ZNF573: variants seen among roughly 807,000 people sequenced by gnomAD.
ZNF573 encodes the protein zinc finger protein 573.
Under a neutral mutation model 57.4 loss-of-function variants are expected in ZNF573, and 41 were observed. The observed-to-expected ratio is 0.71, with a 90% confidence interval of 0.56 to 0.93. The LOEUF is 0.93. Ranked by LOEUF, ZNF573 falls within the 40% of genes least tolerant of loss-of-function variation. The pLI is 0.00. For synonymous variants in ZNF573, 249 were observed against 261.0 expected (o/e 0.95, Z 0.44); for missense variants, 730 against 794.8 (o/e 0.92, Z 0.98).
At chr19:37,761,257 T>TGGG (rs2045550197) in intron 4 of ZNF573, among the ~76,000 whole-genome samples, 1 of 152,100 alleles carries the variant, frequency 6.6e-6, no homozygotes, top group Non-Finnish European at 1.5e-5. Context: ...AAATCTGTGG[T>TGGG]GGGGATCAGG....
chr19:37,764,752 C>T (rs944821116), intron 4 of ZNF573, among the ~76,000 whole-genome samples: 13 of 150,028 alleles, frequency 8.7e-5, no homozygotes, highest in Admixed American at 8.0e-4. Flanking sequence ...TACAGGTGCC[C>T]GCCACCACGC....
intron 1 of ZNF573, among the ~76,000 whole-genome samples, chr19:37,774,736 G>A (rs1209006890): frequency 1.3e-5 from 2 of 152,156 alleles, no homozygotes; most frequent in Non-Finnish European, 2.9e-5. Context: ...TTGAGGCACA[G>A]GCTATAGGAC....
chr19:37,777,605 A>G (rs2045721275), intron 1 of ZNF573, among the ~76,000 whole-genome samples: 2 of 152,078 alleles, frequency 1.3e-5, no homozygotes, highest in Admixed American at 1.3e-4. Context: ...TGAGGATGCA[A>G]AGACATAATA....
At chr19:37,763,939 T>C (rs553941056) in intron 4 of ZNF573, among the ~76,000 whole-genome samples, 2 of 151,948 alleles carry the variant, frequency 1.3e-5, no homozygotes, top group African/African-American at 4.8e-5. Flanking sequence ...ACCGCATGCC[T>C]GTAATCTCAG....
At position 37,777,149 on chromosome 19, in the gene ZNF573, G is replaced by C. The variant is rs1399094549; in HGVS notation, c.-23+2395C>G. Reference sequence around the variant, plus strand: ...TCCCACTAATGGGTATCTACCCAGAGGAAAAGAAGTCATTATATAAAATTA... The same window carrying C: ...TCCCACTAATGGGTATCTACCCAGACGAAAAGAAGTCATTATATAAAATTA... On this transcript the variant is annotated intron_variant, in intron 1 of 4. Coordinates refer to ENST00000536220, the MANE Select transcript of ZNF573 (RefSeq NM_001172690.2). Among the ~76,000 whole-genome samples, 3 of 152,160 alleles carry C rather than the reference G, an allele frequency of 2.0e-5. No individual in the cohort carries two copies. In the East Asian group the frequency reaches 5.8e-4, roughly 29 times the overall value.
intron 4 of ZNF573, among the ~76,000 whole-genome samples, chr19:37,767,479 C>T (rs1448662012): frequency 3.3e-5 from 5 of 152,060 alleles, no homozygotes; most frequent in Admixed American, 6.6e-5. Context: ...GTGATCTGCC[C>T]GCCTCGGCCT....
intron 1 of ZNF573, among the ~76,000 whole-genome samples, chr19:37,779,192 C>T (rs2045740352): frequency 6.6e-6 from 1 of 152,098 alleles, no homozygotes; most frequent in Non-Finnish European, 1.5e-5. Flanking sequence ...CCCCGTCACG[C>T]AAGCACAGCC....
chr19:37,765,960 A>C (rs1220589292), intron 4 of ZNF573, among the ~76,000 whole-genome samples: 1 of 151,954 alleles, frequency 6.6e-6, no homozygotes, highest in Non-Finnish European at 1.5e-5. Context: ...GAATGGCTTG[A>C]ACCTGGGAGG....
chr19:37,760,275 G>A (rs993326260), intron 4 of ZNF573, among the ~76,000 whole-genome samples: 41 of 152,222 alleles, frequency 2.7e-4, no homozygotes, highest in African/African-American at 9.6e-4. Context: ...CAGGGCTATG[G>A]CAAAGAAAAT....
intron 4 of ZNF573, among the ~76,000 whole-genome samples, chr19:37,750,298 G>C (rs895462850): frequency 6.6e-6 from 1 of 151,960 alleles, no homozygotes; most frequent in Non-Finnish European, 1.5e-5. Context: ...AGCCAGACTG[G>C]GTCACAAACT....
At chr19:37,746,269 A>C (rs183965008) in intron 4 of ZNF573, among the ~76,000 whole-genome samples, 1 of 152,304 alleles carries the variant, frequency 6.6e-6, no homozygotes. Flanking sequence ...TACAAACACT[A>C]CTCAAGTGAG....
At chr19:37,757,957 A>G (rs1470700105) in intron 4 of ZNF573, among the ~76,000 whole-genome samples, 1 of 150,610 alleles carries the variant, frequency 6.6e-6, no homozygotes, top group Non-Finnish European at 1.5e-5. Context: ...AAAACCAAAC[A>G]CTGCATATTC....
chr19:37,760,778 C>T lies in ZNF573; in HGVS notation c.295+9227G>A, dbSNP rs533348155. Among the ~76,000 whole-genome samples the T allele has an allele frequency of 5.3e-5, 8 of 151,258 alleles. No individual in the cohort carries two copies. The East Asian group carries it at 1.2e-3, about 22-fold the overall frequency. ...CGGAGGTTGTAGTGAGCTGAGATCG[C>T]GCCATTGCACTCCAGCCTGGGCAAC... is the stretch of plus-strand genomic sequence containing the variant. On this transcript the variant is annotated intron_variant, in intron 4 of 4. Transcript: ENST00000536220.
chr19:37,758,088 A>G (rs569289619), intron 4 of ZNF573, among the ~76,000 whole-genome samples: 1 of 150,670 alleles, frequency 6.6e-6, no homozygotes, highest in South Asian at 2.1e-4. Context: ...ATTAGGAGAT[A>G]TATCTAATGT....
At chr19:37,758,203 ATATATATATATAT>A (rs1453989494) in intron 4 of ZNF573, among the ~76,000 whole-genome samples, 1,843 of 52,002 alleles carry the variant, frequency 0.035, 326 homozygotes, top group Middle Eastern at 0.065. Context: ...GTATAATAAA[ATATATATATATAT>A]ATATATATAT....
intron 4 of ZNF573, among the ~76,000 whole-genome samples, chr19:37,743,154 T>C (rs2045342641): frequency 1.3e-5 from 2 of 151,564 alleles, no homozygotes; most frequent in African/African-American, 4.8e-5. Context: ...CCATCTCTAC[T>C]AAAAGCACAA....
chr19:37,770,317 T>G, intron 3 of ZNF573: 1 of 403,006 alleles, frequency 2.5e-6, no homozygotes, highest in Non-Finnish European at 4.4e-6. Flanking sequence ...ATAAAATGTC[T>G]CTTTCCAAAT....
At chr19:37,760,434 A>G (rs1344205179) in intron 4 of ZNF573, among the ~76,000 whole-genome samples, 5 of 152,240 alleles carry the variant, frequency 3.3e-5, no homozygotes, top group Non-Finnish European at 7.3e-5. Context: ...GTATAGGATT[A>G]TAACTCATGG....
chr19:37,778,727 G>A (rs1048886684), intron 1 of ZNF573, among the ~76,000 whole-genome samples: 1 of 152,072 alleles, frequency 6.6e-6, no homozygotes, highest in Non-Finnish European at 1.5e-5. Flanking sequence ...AGCAGGACCA[G>A]GGAGGGAGAA....
Sources: gnomAD v4.1 joint callset for allele counts (sites outside exome capture counted in the v4.1 genomes callset) on GRCh38, gnomAD v4.1.1 for gene constraint, MANE v1.5 for transcripts, NCBI Gene and HGNC (gene_info 2026-07-23, HGNC 2026-07-21) for gene names.